The following CPPED1 variants were observed in gnomAD, a reference collection of about 807,000 sequenced individuals.
The protein encoded by CPPED1 is serine/threonine-protein phosphatase CPPED1.
In CPPED1, 28 loss-of-function variants were observed where a neutral mutation model predicts 28.0. That is an observed-to-expected ratio of 1.00 (90% CI 0.74 to 1.37). CPPED1 has a LOEUF of 1.37. Among genes scored for constraint, CPPED1 ranks in the 40% most tolerant of loss-of-function variants. The probability of loss-of-function intolerance (pLI) is 0.00; values close to 1 mark genes in which losing one functional copy is unlikely to be tolerated. For missense variants in CPPED1, 504 were observed against 416.5 expected, an observed-to-expected ratio of 1.21 and a Z score of -1.83; for synonymous variants, 198 against 180.2, an observed-to-expected ratio of 1.10 and a Z score of -0.79.
chr16:12,799,078 G>A (rs571162320), intron 1 of CPPED1, among the ~76,000 whole-genome samples: 9 of 152,208 alleles, frequency 5.9e-5, no homozygotes, highest in Non-Finnish European at 1.2e-4. Context: ...AAAGCAAAGC[G>A]CTCTTTCATT....
At chr16:12,706,142 C>T (rs964787307) in intron 2 of CPPED1, among the ~76,000 whole-genome samples, 10 of 151,876 alleles carry the variant, frequency 6.6e-5, no homozygotes, top group African/African-American at 2.2e-4. Flanking sequence ...TATATTAATG[C>T]TATGAGAAAA....
At chr16:12,721,200 C>T (rs549396165) in intron 2 of CPPED1, among the ~76,000 whole-genome samples, 1 of 152,088 alleles carries the variant, frequency 6.6e-6, no homozygotes, top group African/African-American at 2.4e-5. Context: ...ACTGAAAGTC[C>T]ATCTCAATCA....
intron 3 of CPPED1, among the ~76,000 whole-genome samples, chr16:12,675,616 T>C (rs2079873939): frequency 1.3e-5 from 2 of 152,220 alleles, no homozygotes; most frequent in Admixed American, 1.3e-4. Flanking sequence ...TACTAAACAC[T>C]GGCCTTCTTT....
intron 2 of CPPED1, among the ~76,000 whole-genome samples, chr16:12,738,467 A>T (rs1348769026): frequency 1.3e-5 from 2 of 151,910 alleles, no homozygotes; most frequent in Non-Finnish European, 2.9e-5. Context: ...GCTTATTATT[A>T]AAAAAAATGT....
chr16:12,781,860 G>A (rs1384494956), intron 1 of CPPED1, among the ~76,000 whole-genome samples: 5 of 152,114 alleles, frequency 3.3e-5, no homozygotes, highest in African/African-American at 9.7e-5. Flanking sequence ...CCACCGTTTC[G>A]GGGGATGTGA....
At chr16:12,789,002 T>A (rs2080580588) in intron 1 of CPPED1, among the ~76,000 whole-genome samples, 1 of 152,258 alleles carries the variant, frequency 6.6e-6, no homozygotes. Flanking sequence ...GGATGAGGTC[T>A]GCTTAGCAGA....
At chr16:12,758,978 C>T (rs890723397) in intron 2 of CPPED1, among the ~76,000 whole-genome samples, 2 of 151,566 alleles carry the variant, frequency 1.3e-5, no homozygotes, top group African/African-American at 4.8e-5. Context: ...GTCTGGGCAA[C>T]ACGGCAAGAC....
intron 3 of CPPED1, among the ~76,000 whole-genome samples, chr16:12,686,803 C>A (rs1317927485): frequency 6.6e-6 from 1 of 152,174 alleles, no homozygotes; most frequent in South Asian, 2.1e-4. Context: ...CAATCTCTTC[C>A]TCCCTTTGAT....
chr16:12,795,350 T>A (rs920787658), intron 1 of CPPED1, among the ~76,000 whole-genome samples: 7 of 139,364 alleles, frequency 5.0e-5, no homozygotes, highest in African/African-American at 1.5e-4. Context: ...GTCATGCAAC[T>A]TTTTTTTTTT....
intron 2 of CPPED1, among the ~76,000 whole-genome samples, chr16:12,705,919 T>C (rs2080047762): frequency 6.6e-6 from 1 of 152,192 alleles, no homozygotes; most frequent in Non-Finnish European, 1.5e-5. Flanking sequence ...TTTCGGCCTG[T>C]TGATGTATAT....
Position 12,664,698 on chromosome 16 carries a change from G to A in CPPED1, c.*188C>T, listed in dbSNP as rs2079814986. 7.0e-7 allele frequency: 1 copy of A among 1,433,596 alleles called. No individual in the cohort carries two copies. The highest frequency in any genetic ancestry group is 9.1e-7 in the Non-Finnish European group (1 of 1,104,910). The allele number at this position is 1,433,596 out of a possible 1,614,324, so 88.8% of individuals were successfully genotyped here. ...CAGGATCATTCGCTCCATTTTAAAG[G>A]AAATGCAGTTCTATTTTGAATATAA... On this transcript the variant is annotated 3_prime_UTR_variant, in exon 4 of 4. Coordinates refer to ENST00000381774, the MANE Select transcript of CPPED1 (RefSeq NM_018340.3). This position sits in a 1 kb window ranked among gnomAD's most constrained non-coding sequence, Gnocchi z 4.2.
At chr16:12,713,206 CA>C (rs886072892) in intron 2 of CPPED1, among the ~76,000 whole-genome samples, 44 of 151,820 alleles carry the variant, frequency 2.9e-4, no homozygotes, top group African/African-American at 1.1e-3. Context: ...ATTACATTTT[CA>C]AAAAGAGAGT....
At chr16:12,715,640 A>G (rs1475883587) in intron 2 of CPPED1, among the ~76,000 whole-genome samples, 1 of 152,188 alleles carries the variant, frequency 6.6e-6, no homozygotes, top group Non-Finnish European at 1.5e-5. Flanking sequence ...AGCCTGAGCA[A>G]CAGAGCGAGA....
chr16:12,713,508 G>C (rs557323778), intron 2 of CPPED1, among the ~76,000 whole-genome samples: 1 of 152,232 alleles, frequency 6.6e-6, no homozygotes, highest in South Asian at 2.1e-4. Flanking sequence ...TGGGATTACA[G>C]GCATGTGCCA....
intron 2 of CPPED1, among the ~76,000 whole-genome samples, chr16:12,767,854 G>A (rs1403991470): frequency 1.3e-5 from 2 of 152,278 alleles, no homozygotes; most frequent in South Asian, 4.1e-4. Context: ...TTACTTGGGA[G>A]GGTGAGGCGA....
rs745474668 is a variant in CPPED1 at position 12,664,974 on chromosome 16, T to C, written c.857A>G (p.Glu286Gly). ...HGLRVVVVTA[E>G]KIVHRYYSLD... ...ACTGTAGTATCGGTGAACAATTTTC[T>C]CGGCGGTGACCACCACGACTCGGAG... Residue 286 changes from glutamate to glycine, a missense_variant, in exon 4 of 4, where the codon GAG (glutamate) becomes GGG (glycine). By Grantham distance (98) the Glu-to-Gly change is moderately conservative. Transcript: ENST00000381774. The surrounding 1 kb of genome is among the most constrained non-coding windows in gnomAD (Gnocchi z 4.2). 2.5e-6 allele frequency: 4 copies of C among 1,611,356 alleles called. No individual in the cohort carries two copies. In the East Asian group the frequency reaches 8.9e-5, roughly 36 times the overall value.
At chr16:12,687,432 T>A (rs894970511) in intron 3 of CPPED1, among the ~76,000 whole-genome samples, 1 of 152,288 alleles carries the variant, frequency 6.6e-6, no homozygotes, top group Non-Finnish European at 1.5e-5. Flanking sequence ...CTTCTTGGGA[T>A]AGGGCTTGGC....
At chr16:12,718,052 C>T (rs1446633339) in intron 2 of CPPED1, among the ~76,000 whole-genome samples, 1 of 152,232 alleles carries the variant, frequency 6.6e-6, no homozygotes, top group Non-Finnish European at 1.5e-5. Context: ...GGAAAGACTA[C>T]ACTGTCTCCT....
At chr16:12,677,956 T>C (rs959378676) in intron 3 of CPPED1, among the ~76,000 whole-genome samples, 15 of 152,216 alleles carry the variant, frequency 9.9e-5, no homozygotes, top group African/African-American at 3.4e-4. Flanking sequence ...AAAACAGCCA[T>C]AGAAAGTATA....
Sources: gnomAD v4.1 joint callset for allele counts (sites outside exome capture counted in the v4.1 genomes callset) on GRCh38, gnomAD v4.1.1 for gene constraint, Gnocchi (gnomAD v3.1) non-coding constraint, MANE v1.5 for transcripts, NCBI Gene and HGNC (gene_info 2026-07-23, HGNC 2026-07-21) for gene names.